Variants in ERC2 observed in about 807,000 individuals in gnomAD.
The protein encoded by ERC2 is ELKS/RAB6-interacting/CAST family member 2.
A neutral mutation model predicts 114.8 loss-of-function variants in ERC2; 42 were observed. That is an observed-to-expected ratio of 0.37 (90% confidence interval 0.29 to 0.47). The LOEUF (loss-of-function observed/expected upper bound fraction) is 0.47. ERC2 is among the 20% of genes least tolerant of loss of function. The probability of loss-of-function intolerance (pLI) is 0.99; values close to 1 mark genes in which losing one functional copy is unlikely to be tolerated. For synonymous variants in ERC2, 454 were observed against 425.5 expected (o/e 1.07, Z -0.82); for missense variants, 939 against 1,150.7 (o/e 0.82, Z 2.66).
intron 3 of ERC2, among the ~76,000 whole-genome samples, chr3:56,182,477 A>G (rs2083341762): frequency 6.6e-6 from 1 of 152,246 alleles, no homozygotes; most frequent in South Asian, 2.1e-4. Flanking sequence ...AATAACTAAC[A>G]GTTACTTACA....
At chr3:55,699,577 G>T (rs1047837570) in intron 15 of ERC2, 65 bp from the exon 16 acceptor site, 3 of 1,537,246 alleles carry the variant, frequency 2.0e-6, no homozygotes, top group Non-Finnish European at 2.6e-6. Flanking sequence ...AGAGATTCAG[G>T]GCATAATTAC....
intron 1 of ERC2, among the ~76,000 whole-genome samples, chr3:56,449,818 T>G (rs958527078): frequency 6.6e-6 from 1 of 152,232 alleles, no homozygotes; most frequent in Non-Finnish European, 1.5e-5. Context: ...GAAGTTAACC[T>G]TGACAAGCCC....
At chr3:55,893,006 G>C (rs1289387420) in intron 13 of ERC2, among the ~76,000 whole-genome samples, 1 of 152,044 alleles carries the variant, frequency 6.6e-6, no homozygotes, top group Non-Finnish European at 1.5e-5. Context: ...TATGGGATTA[G>C]TGACCTTATG....
intron 14 of ERC2, among the ~76,000 whole-genome samples, chr3:55,772,041 G>A (rs921452997): frequency 2.0e-5 from 3 of 151,782 alleles, no homozygotes; most frequent in Non-Finnish European, 4.4e-5. Context: ...CATCAGGACT[G>A]TTGTGAGTAT....
chr3:55,987,034 C>T (rs542005699), intron 11 of ERC2, among the ~76,000 whole-genome samples: 3 of 152,056 alleles, frequency 2.0e-5, no homozygotes, highest in Admixed American at 2.0e-4. Context: ...AAAATAAATC[C>T]TCAGGATAAA....
chr3:56,465,355 C>T (rs1391359519), intron 1 of ERC2, among the ~76,000 whole-genome samples: 6 of 152,086 alleles, frequency 3.9e-5, no homozygotes, highest in East Asian at 1.9e-4. Context: ...GCCAAGATCA[C>T]GCCACTGCAC....
chr3:56,067,356 T>C (rs571035371), intron 7 of ERC2, among the ~76,000 whole-genome samples: 2 of 152,250 alleles, frequency 1.3e-5, no homozygotes, highest in South Asian at 4.2e-4. Flanking sequence ...TGCTTGTCTA[T>C]TGTTGGTGTA....
In ERC2 at chr3:56,434,430, T is replaced by A; in HGVS notation, c.578A>T (p.Glu193Val). Residue 193 changes from glutamate to valine, a missense_variant, in exon 2 of 18, where the codon GAG (glutamate) becomes GTG (valine). Glu to Val is a moderately radical substitution (Grantham distance 121). Transcript: ENST00000288221. ...KTFWSPELKK[E>V]RVLRKEEAAR... ...TGCCTCTTCTTTCCTCAAGACTCTC[T>A]CCTTCTTAAGCTCAGGACTCCAGAA... is the stretch of plus-strand genomic sequence containing the variant. The A allele has an allele frequency of 6.2e-7, 1 of 1,613,992 alleles. No homozygotes were observed.
At chr3:55,801,276 G>T (rs1247391365) in intron 14 of ERC2, among the ~76,000 whole-genome samples, 1 of 152,156 alleles carries the variant, frequency 6.6e-6, no homozygotes, top group Admixed American at 6.5e-5. Flanking sequence ...CCGGACCTGG[G>T]TAAAGTCCCA....
At chr3:55,766,880 A>G (rs927790506) in intron 14 of ERC2, 1 of 152,274 alleles carries the variant, frequency 6.6e-6, no homozygotes, top group Non-Finnish European at 1.5e-5. Flanking sequence ...TTCCTGGAAC[A>G]GGAATCCTGA....
In ERC2 at chr3:55,612,763, G is replaced by A. The variant is rs564046152; in HGVS notation, c.*39+71031C>T. On this transcript the variant is annotated intron_variant, in intron 17 of 17. Transcript: ENST00000288221. ...TAAGTGTAAAGTTCAACGATTTTAAGTAAACTTATAGAATTGTGCGATCAG... is the reference window on the plus strand; with the variant it reads ...TAAGTGTAAAGTTCAACGATTTTAAATAAACTTATAGAATTGTGCGATCAG... 5 of 152,210 alleles carry A rather than the reference G, an allele frequency of 3.3e-5. No individual in the cohort carries two copies. In the South Asian group the frequency reaches 1.0e-3, roughly 32 times the overall value. The allele number at this position is 152,210 out of a possible 1,614,324, so 9.4% of individuals were successfully genotyped here.
chr3:55,835,594 G>C (rs2060837877), intron 14 of ERC2, among the ~76,000 whole-genome samples: 1 of 152,104 alleles, frequency 6.6e-6, no homozygotes, highest in Non-Finnish European at 1.5e-5. Context: ...GTATTGGTGG[G>C]ATGTATCTCA....
chr3:56,376,762 C>CAA (rs5849150), intron 2 of ERC2, among the ~76,000 whole-genome samples: 1 of 143,036 alleles, frequency 7.0e-6, no homozygotes, highest in African/African-American at 2.6e-5. Flanking sequence ...GACTCTGTCT[C>CAA]AAAAAAAAAA....
At chr3:55,979,843 C>A (rs1050284126) in intron 12 of ERC2, among the ~76,000 whole-genome samples, 1 of 151,776 alleles carries the variant, frequency 6.6e-6, no homozygotes, top group African/African-American at 2.4e-5. Flanking sequence ...ACTTGAGAGG[C>A]TGAGGAGGGA....
At chr3:55,649,459 A>G (rs563771160) in intron 17 of ERC2, among the ~76,000 whole-genome samples, 16 of 152,052 alleles carry the variant, frequency 1.1e-4, no homozygotes, top group Admixed American at 9.2e-4. Flanking sequence ...ATGGGGTTTC[A>G]CCATATTGGA....
chr3:55,615,732 A>G lies in ERC2; in HGVS notation c.*39+68062T>C, dbSNP rs531947754. Among the ~76,000 whole-genome samples the G allele has an allele frequency of 2.0e-5, 3 of 152,346 alleles. No homozygotes were observed. The East Asian group carries it at 5.8e-4, about 29-fold the overall frequency. On this transcript the variant is annotated intron_variant, in intron 17 of 17. Coordinates refer to ENST00000288221, the MANE Select transcript of ERC2 (RefSeq NM_015576.3). ...GGAATGAATGATCATTGTTGGAACT[A>G]TGATATTTTCGGTGAAAATTAAGTT...
chr3:55,724,602 T>C (rs1269664293), intron 15 of ERC2, among the ~76,000 whole-genome samples: 1 of 152,154 alleles, frequency 6.6e-6, no homozygotes, highest in East Asian at 1.9e-4. Flanking sequence ...AATGAGATAA[T>C]ATATTTAAAA....
intron 14 of ERC2, among the ~76,000 whole-genome samples, chr3:55,886,937 T>C (rs980055814): frequency 2.0e-5 from 3 of 152,246 alleles, no homozygotes; most frequent in African/African-American, 7.2e-5. Flanking sequence ...ATTGAGCACC[T>C]ATCACATTCA....
At position 55,820,717 on chromosome 3, in the gene ERC2, C is replaced by T. The variant is rs557330199; in HGVS notation, c.2564+67672G>A. On this transcript the variant is annotated intron_variant, in intron 14 of 17. Coordinates refer to ENST00000288221, the MANE Select transcript of ERC2 (RefSeq NM_015576.3). ...GCCGGGCAGGGCACCAGATAGGTCA[C>T]TACTCTGGGTGAGAAAATGTTCAAA... 7.4e-4 allele frequency among the ~76,000 whole-genome samples: 112 copies of T among 152,310 alleles called. No individual in the cohort carries two copies. In the Middle Eastern group the frequency reaches 0.01, roughly 14 times the overall value.
Sources: gnomAD v4.1 joint callset for allele counts (sites outside exome capture counted in the v4.1 genomes callset) on GRCh38, gnomAD v4.1.1 for gene constraint, MANE v1.5 for transcripts, NCBI Gene and HGNC (gene_info 2026-07-23, HGNC 2026-07-21) for gene names.